Variants in SAP130 observed in about 807,000 individuals in gnomAD.
The protein encoded by SAP130 is histone deacetylase complex subunit SAP130.
A neutral mutation model predicts 103.2 loss-of-function variants in SAP130; 16 were observed. The observed-to-expected ratio is 0.16, with a 90% CI of 0.10 to 0.24. SAP130 has a LOEUF of 0.24. SAP130 is among the 10% of genes least tolerant of loss of function. The pLI, the probability that SAP130 is intolerant of heterozygous loss-of-function variation, is 1.00. For synonymous variants in SAP130, 477 were observed against 497.0 expected (o/e 0.96, Z 0.53); for missense variants, 990 against 1,359.7 (o/e 0.73, Z 4.28).
intron 6 of SAP130, among the ~76,000 whole-genome samples, chr2:128,010,760 A>T (rs1017750870): frequency 6.6e-6 from 1 of 151,986 alleles, no homozygotes; most frequent in African/African-American, 2.4e-5. Flanking sequence ...GCTACTCAGG[A>T]GGTTGAGGCA....
At chr2:128,010,617 T>C (rs990098479) in intron 6 of SAP130, among the ~76,000 whole-genome samples, 3 of 152,060 alleles carry the variant, frequency 2.0e-5, no homozygotes, top group Admixed American at 1.3e-4. Context: ...CCCAGCACTT[T>C]GGGAGGCTGA....
intron 14 of SAP130, among the ~76,000 whole-genome samples, chr2:127,982,241 G>A (rs1401775350): frequency 1.3e-5 from 2 of 152,158 alleles, no homozygotes; most frequent in South Asian, 2.1e-4. Context: ...TCATACAGAA[G>A]AAATGACGGC....
chr2:127,978,200 A>G, intron 14 of SAP130, 111 bp from the exon 15 acceptor site: 2 of 722,496 alleles, frequency 2.8e-6, no homozygotes. Flanking sequence ...AAAGCCCTAC[A>G]TTGACTAAGT....
Position 128,027,954 on chromosome 2 carries a change from C to T in SAP130, c.-21G>A. The T allele has an allele frequency of 1.0e-6, 1 of 985,718 alleles. No individual in the cohort carries two copies. Among genetic ancestry groups the T allele is most frequent in the Non-Finnish European group, 1.2e-6 (1 of 830,166 alleles). The allele number at this position is 985,718 out of a possible 1,614,324, so 61.1% of individuals were successfully genotyped here. On this transcript the variant is annotated 5_prime_UTR_variant, in exon 1 of 21. Transcript: ENST00000643581. ...CCCGCCATTACCTGGGTGCTGCGCCCAGTGGCCGCCGCGCCGCCTTGAGCT... is the reference window on the plus strand; with the variant it reads ...CCCGCCATTACCTGGGTGCTGCGCCTAGTGGCCGCCGCGCCGCCTTGAGCT...
At chr2:128,020,872 T>C (rs1685104043) in intron 2 of SAP130, among the ~76,000 whole-genome samples, 1 of 152,044 alleles carries the variant, frequency 6.6e-6, no homozygotes, top group African/African-American at 2.4e-5. Context: ...GGCGGTTGCC[T>C]GTAATCCCAC....
At chr2:128,002,647 T>C (rs1683645503) in intron 7 of SAP130, among the ~76,000 whole-genome samples, 1 of 151,964 alleles carries the variant, frequency 6.6e-6, no homozygotes, top group South Asian at 2.1e-4. Context: ...CCAGAAACAA[T>C]GAACACTTCT....
rs1490702005 is a variant in SAP130, at chr2:128,017,661, T to C, written c.348+19A>G. 1 of 1,606,382 alleles carries C rather than the reference T, an allele frequency of 6.2e-7. No individual in the cohort carries two copies. Among genetic ancestry groups the C allele is most frequent in the Non-Finnish European group, 8.5e-7 (1 of 1,173,120 alleles). ...TCTCGAGCTCTGGTTCAGTGTGAAG[T>C]TTTAACCCTCTCCATTACCTTCATA... is the stretch of plus-strand genomic sequence containing the variant. On this transcript the variant is annotated intron_variant, in intron 3 of 20. Transcript: ENST00000643581.
chr2:127,954,801 A>G (rs1679717827), intron 16 of SAP130, among the ~76,000 whole-genome samples, 185 bp downstream of exon 16: 1 of 152,248 alleles, frequency 6.6e-6, no homozygotes, highest in African/African-American at 2.4e-5. Flanking sequence ...GAAGCAAAGT[A>G]GTTTTACTTT....
chr2:127,993,810 C>T (rs909451858), intron 11 of SAP130, among the ~76,000 whole-genome samples: 3 of 152,102 alleles, frequency 2.0e-5, no homozygotes, highest in African/African-American at 7.2e-5. Context: ...AGTGGTTATT[C>T]ACCAGCACAA....
intron 15 of SAP130, among the ~76,000 whole-genome samples, chr2:127,972,383 G>A (rs1463352516): frequency 2.0e-5 from 3 of 152,280 alleles, no homozygotes; most frequent in African/African-American, 7.2e-5. Flanking sequence ...GGCCAAAGTG[G>A]GAAGATCAGT....
In SAP130 at chr2:128,018,483, C is replaced by CAAAAAAAAAAAAAA. The variant is rs759445928; in HGVS notation, c.113-582_113-569dup. On this transcript the variant is annotated intron_variant, in intron 2 of 20. Transcript: ENST00000643581. ...CTGGGCGAGAGAGGAAGATTGTCTC[C>CAAAAAAAAAAAAAA]AAAAAAAAAAAAAAAAAAAAAAAGG... 1.1e-3 allele frequency among the ~76,000 whole-genome samples: 78 copies of CAAAAAAAAAAAAAA among 69,472 alleles called. 4 individuals are homozygous for CAAAAAAAAAAAAAA. Among genetic ancestry groups the CAAAAAAAAAAAAAA allele is most frequent in the African/African-American group, 4.8e-3 (74 of 15,294 alleles). The allele number at this position is 69,472 out of a possible 152,430, so 45.6% of individuals were successfully genotyped here.
At chr2:128,027,830 C>T (rs914961638) in intron 1 of SAP130, 110 bp downstream of exon 1, 2 of 713,056 alleles carry the variant, frequency 2.8e-6, no homozygotes, top group Admixed American at 6.3e-5. Flanking sequence ...AGACGAGGAT[C>T]CTCTGCCCTT....
chr2:127,995,920 C>G (rs1683148239), intron 11 of SAP130, among the ~76,000 whole-genome samples: 1 of 152,096 alleles, frequency 6.6e-6, no homozygotes, highest in South Asian at 2.1e-4. Context: ...TACCAAATTC[C>G]CTAAAACAAC....
intron 1 of SAP130, 117 bp from the exon 2 acceptor site, chr2:128,026,415 C>G: frequency 1.5e-6 from 1 of 658,184 alleles, no homozygotes. Flanking sequence ...AATGCTGCAT[C>G]ATTTATTTAA....
In SAP130 at chr2:128,003,367, C is replaced by T. The variant is rs557643271; in HGVS notation, c.870-2913G>A. ...ATGAAAAATAAAACAACTAACCAGG[C>T]ATCTTGGCATACACCTATGGTCCCA... On this transcript the variant is annotated intron_variant, in intron 7 of 20. Coordinates refer to ENST00000643581, the MANE Select transcript of SAP130 (RefSeq NM_001330301.2). 9.9e-5 allele frequency among the ~76,000 whole-genome samples: 15 copies of T among 151,278 alleles called. No individual in the cohort carries two copies. In the East Asian group the frequency reaches 3.0e-3, roughly 30 times the overall value.
intron 15 of SAP130, among the ~76,000 whole-genome samples, chr2:127,964,478 G>C (rs1219385171): frequency 1.1e-4 from 11 of 102,028 alleles, no homozygotes; most frequent in African/African-American, 4.3e-4. Flanking sequence ...TGGGCGACAA[G>C]AGCGAAACTC....
In SAP130 at chr2:127,993,261, G is replaced by A; in HGVS notation, c.1403C>T (p.Pro468Leu). 6.2e-7 allele frequency: 1 copy of A among 1,613,852 alleles called. No individual in the cohort carries two copies. The highest frequency in any genetic ancestry group is 8.5e-7 in the Non-Finnish European group (1 of 1,179,906). Reference protein sequence around the residue: ...QFQYFLPTYPPSAYPLAAHTY... With the variant: ...QFQYFLPTYPLSAYPLAAHTY... ...ATGTGCCGCCAGTGGGTATGCAGAA[G>A]GGGGGTAAGTTGGCAAAAAATATTG... The change falls in exon 12 of 21, where the codon CCT becomes CTT. Residue 468 changes from proline to leucine, a missense_variant. Coordinates refer to ENST00000643581, the MANE Select transcript of SAP130 (RefSeq NM_001330301.2).
chr2:127,980,687 T>TA (rs1384050637), intron 14 of SAP130, among the ~76,000 whole-genome samples: 1 of 152,200 alleles, frequency 6.6e-6, no homozygotes, highest in Non-Finnish European at 1.5e-5. Context: ...CTCACGCATG[T>TA]AATCCTAGCA....
chr2:127,984,186 T>C (rs974095958), intron 14 of SAP130, among the ~76,000 whole-genome samples: 6 of 152,238 alleles, frequency 3.9e-5, no homozygotes, highest in Admixed American at 3.9e-4. Context: ...TGCTATCTTA[T>C]TTCAGGACCG....
Sources: allele counts gnomAD v4.1 joint callset (sites outside exome capture counted in the v4.1 genomes callset), GRCh38; gene constraint gnomAD v4.1.1; transcripts MANE v1.5; gene names NCBI Gene and HGNC (gene_info 2026-07-23, HGNC 2026-07-21).